EDNRB: variants seen among roughly 807,000 people sequenced by gnomAD.
EDNRB encodes Hirschsprung disease 2.
Under a neutral mutation model 46.4 loss-of-function variants are expected in EDNRB, and 18 were observed. The ratio of observed to expected loss-of-function variants is 0.39; its 90% CI spans 0.27 to 0.57. EDNRB has a LOEUF of 0.57. EDNRB is among the 20% of genes least tolerant of loss of function. The pLI is 0.61. For missense variants in EDNRB, 434 were observed against 537.5 expected, an observed-to-expected ratio of 0.81 and a Z score of 1.90; for synonymous variants, 213 against 204.9, an observed-to-expected ratio of 1.04 and a Z score of -0.34.
upstream of EDNRB, among the ~76,000 whole-genome samples, chr13:77,923,372 A>G (rs1016127624): frequency 2.6e-5 from 4 of 152,204 alleles, no homozygotes; most frequent in Admixed American, 2.0e-4. Flanking sequence ...AAAACTGTTC[A>G]CAGAACTTTT....
chr13:77,957,573 C>T (rs1360315380), intron 1 of EDNRB, among the ~76,000 whole-genome samples: 1 of 152,126 alleles, frequency 6.6e-6, no homozygotes, highest in Non-Finnish European at 1.5e-5. Flanking sequence ...ACAATAATAC[C>T]TATCCTAGAA....
intron 1 of EDNRB, among the ~76,000 whole-genome samples, chr13:77,914,972 C>T (rs1188440553): frequency 1.3e-5 from 2 of 152,118 alleles, no homozygotes; most frequent in African/African-American, 2.4e-5. Context: ...ATTTCACAAA[C>T]CCCCAGAAAT....
At chr13:77,924,818 C>T (rs576246732) in intron 1 of EDNRB, among the ~76,000 whole-genome samples, 10 of 152,248 alleles carry the variant, frequency 6.6e-5, no homozygotes, top group African/African-American at 2.2e-4. Context: ...GAATGGGTCT[C>T]ACGAGATCTG....
intron 1 of EDNRB, among the ~76,000 whole-genome samples, chr13:77,933,979 G>A (rs1880477635): frequency 6.6e-6 from 1 of 152,222 alleles, no homozygotes. Flanking sequence ...CAGGACATCT[G>A]ATTAGAGAGT....
At chr13:77,971,637 G>A (rs1393249094) in intron 1 of EDNRB, among the ~76,000 whole-genome samples, 1 of 151,204 alleles carries the variant, frequency 6.6e-6, no homozygotes, top group East Asian at 1.9e-4. Flanking sequence ...GATTGTAATA[G>A]GTGTAGTTTA....
chr13:77,938,589 A>C (rs1880638608), intron 1 of EDNRB, among the ~76,000 whole-genome samples: 2 of 152,200 alleles, frequency 1.3e-5, no homozygotes, highest in Non-Finnish European at 2.9e-5. Context: ...ACATGGGTGA[A>C]TAATCAGAGA....
intron 1 of EDNRB, among the ~76,000 whole-genome samples, chr13:77,945,864 C>A: frequency 8.0e-6 from 1 of 125,106 alleles, no homozygotes; most frequent in Non-Finnish European, 1.7e-5. Flanking sequence ...TACTCTAAGC[C>A]ATGCAAAAAA....
At chr13:77,921,523 G>C (rs1200714884), upstream of EDNRB, among the ~76,000 whole-genome samples, 1 of 152,166 alleles carries the variant, frequency 6.6e-6, no homozygotes, top group Non-Finnish European at 1.5e-5. Flanking sequence ...GTTAGTTGTG[G>C]GACCAGGATT....
chr13:77,926,291 T>C (rs565479151), intron 1 of EDNRB, among the ~76,000 whole-genome samples: 2 of 152,322 alleles, frequency 1.3e-5, no homozygotes, highest in South Asian at 4.1e-4. Flanking sequence ...TTCTATTGCA[T>C]CGTCAGGCTG....
intron 1 of EDNRB, among the ~76,000 whole-genome samples, chr13:77,964,984 A>G (rs1164851411): frequency 6.6e-6 from 1 of 152,128 alleles, no homozygotes; most frequent in South Asian, 2.1e-4. Context: ...TCATTACCAT[A>G]TACATAAGTA....
intron 1 of EDNRB, among the ~76,000 whole-genome samples, chr13:77,949,115 G>A (rs974821100): frequency 3.3e-5 from 5 of 152,146 alleles, no homozygotes; most frequent in African/African-American, 1.2e-4. Context: ...AGTAAACAAT[G>A]AGTGACAATA....
At chr13:77,939,883 C>T (rs1231382064) in intron 1 of EDNRB, 1 of 152,028 alleles carries the variant, frequency 6.6e-6, no homozygotes, top group Non-Finnish European at 1.5e-5. Context: ...GTAGTCCCAG[C>T]TACTTGGGAG....
chr13:77,923,704 C>G (rs989073871), upstream of EDNRB, among the ~76,000 whole-genome samples: 2 of 150,986 alleles, frequency 1.3e-5, no homozygotes, highest in Admixed American at 6.6e-5. Context: ...GTGAAATAGT[C>G]AAAATAGGTT....
intron 1 of EDNRB, among the ~76,000 whole-genome samples, chr13:77,952,674 G>C (rs1008908165): frequency 7.2e-5 from 11 of 152,174 alleles, no homozygotes; most frequent in Non-Finnish European, 1.6e-4. Flanking sequence ...AATGGGAACA[G>C]AGACCCTCTA....
intron 3 of EDNRB, among the ~76,000 whole-genome samples, chr13:77,901,991 T>C (rs1191721142): frequency 6.6e-6 from 1 of 151,946 alleles, no homozygotes; most frequent in Admixed American, 6.6e-5. Context: ...TGCATTAATG[T>C]CTCTTAACTC....
chr13:77,926,189 T>A (rs745989785), intron 1 of EDNRB, among the ~76,000 whole-genome samples: 21 of 152,296 alleles, frequency 1.4e-4, no homozygotes, highest in Non-Finnish European at 2.6e-4. Flanking sequence ...TCTTTGGGAT[T>A]AACATTAGGA....
Position 77,918,095 on chromosome 13 carries a change from T to C in EDNRB, c.479A>G (p.Tyr160Cys). The C allele has an allele frequency of 1.9e-6, 3 of 1,614,152 alleles. No homozygotes were observed. The highest frequency in any genetic ancestry group is 2.5e-6 in the Non-Finnish European group (3 of 1,180,028). ...ATTTCAGCAGGCGCCCTTTACCTTG[T>C]AGACATTGATAGGGATGTCAATGAC... ...HIVIDIPINVYKLLAEDWPFG... is the reference protein window; with the variant it reads ...HIVIDIPINVCKLLAEDWPFG... Residue 160 changes from tyrosine (Y) to cysteine (C), a missense_variant, in exon 1 of 7, where the codon TAC becomes TGC. By Grantham distance (194) the Tyr-to-Cys change is radical. Coordinates refer to ENST00000646607, the MANE Select transcript of EDNRB (RefSeq NM_001122659.3). The surrounding 1 kb of genome is among the most constrained non-coding windows in gnomAD (Gnocchi z 4.5).
intron 1 of EDNRB, among the ~76,000 whole-genome samples, chr13:77,904,598 C>T (rs1247435999): frequency 1.3e-5 from 2 of 151,900 alleles, no homozygotes; most frequent in African/African-American, 4.8e-5. Flanking sequence ...TATACACACA[C>T]ATAGTATGTT....
chr13:77,910,084 C>T (rs888089655), intron 1 of EDNRB, among the ~76,000 whole-genome samples: 3 of 151,916 alleles, frequency 2.0e-5, no homozygotes, highest in African/African-American at 4.8e-5. Context: ...TAATGGGAGT[C>T]TATGAAGAGC....
Sources: gnomAD v4.1 joint callset for allele counts (sites outside exome capture counted in the v4.1 genomes callset) on GRCh38, gnomAD v4.1.1 for gene constraint, Gnocchi (gnomAD v3.1) non-coding constraint, MANE v1.5 for transcripts, NCBI Gene and HGNC (gene_info 2026-07-23, HGNC 2026-07-21) for gene names.